KDM3A: variants seen among roughly 807,000 people sequenced by gnomAD.
KDM3A encodes lysine-specific demethylase 3A.
Under a neutral mutation model 158.0 loss-of-function variants are expected in KDM3A, and 60 were observed. The observed-to-expected ratio is 0.38, with a 90% confidence interval of 0.31 to 0.47. KDM3A has a LOEUF of 0.47. KDM3A is among the 20% of genes least tolerant of loss of function. KDM3A has a pLI of 0.99. For missense variants in KDM3A, 1,319 were observed against 1,574.3 expected (o/e 0.84, Z 2.74); for synonymous variants, 608 against 549.3 (o/e 1.11, Z -1.49).
rs1231064821 is a variant in KDM3A at position 86,480,358 on chromosome 2, C to G, written c.2508C>G (p.Asn836Lys). The change falls in exon 16 of 26, where the codon AAC becomes AAG. Residue 836 changes from asparagine to lysine, a missense_variant. By Grantham distance (94) the Asn-to-Lys change is moderately conservative. Transcript: ENST00000312912. ...DLTSGNVNKE[N>K]KEKQPTMPIL... ...CCAGCGGGAATGTCAACAAGGAAAA[C>G]AAGGGTGAGTGTTTCCTGCTTTTGT... is the stretch of plus-strand genomic sequence containing the variant. The G allele has an allele frequency of 2.5e-6, 4 of 1,610,782 alleles. No individual in the cohort carries two copies. Among genetic ancestry groups the G allele is most frequent in the Non-Finnish European group, 3.4e-6 (4 of 1,177,406 alleles).
rs373577229 is a variant in KDM3A, at chr2:86,457,094, G to A, written c.843+23G>A. On this transcript the variant is annotated intron_variant, in intron 8 of 25. Transcript: ENST00000312912. ...GAGGTAACCTTTATTTATGTCACTT[G>A]TGTAAAGCTTTCCTTAACTCCAACA... 5.8e-6 allele frequency: 7 copies of A among 1,212,238 alleles called. No homozygotes were observed. In the African/African-American group the frequency reaches 1.1e-4, roughly 19 times the overall value. 75.1% of individuals were successfully genotyped at this position (1,212,238 alleles called of 1,614,324 possible).
Position 86,456,416 on chromosome 2 carries a change from ATTTTTTTTTTTT to A in KDM3A, c.557-15_557-4del. ...GGGAGATAATGCAAATTGCTCTAAG[ATTTTTTTTTTTT>A]TTTTTTTTTTAAGGTGACAAAAACT... On this transcript the variant is annotated splice_polypyrimidine_tract_variant and intron_variant, in intron 5 of 25. Coordinates refer to ENST00000312912, the MANE Select transcript of KDM3A (RefSeq NM_018433.6). The A allele has an allele frequency of 2.8e-6, 3 of 1,057,628 alleles. No homozygotes were observed. Among genetic ancestry groups the A allele is most frequent in the Non-Finnish European group, 3.7e-6 (3 of 805,362 alleles). The allele number at this position is 1,057,628 out of a possible 1,614,324, so 65.5% of individuals were successfully genotyped here.
At chr2:86,451,516 T>G (rs1452221954) in intron 4 of KDM3A, among the ~76,000 whole-genome samples, 2 of 152,128 alleles carry the variant, frequency 1.3e-5, no homozygotes, top group African/African-American at 2.4e-5. Context: ...CAGAATACAT[T>G]TAGTATTCAT....
intron 4 of KDM3A, among the ~76,000 whole-genome samples, chr2:86,453,942 A>G (rs1672580369): frequency 6.6e-6 from 1 of 152,166 alleles, no homozygotes; most frequent in Admixed American, 6.5e-5. Context: ...CCCTGCTAGA[A>G]TTCGGTTTGG....
intron 11 of KDM3A, among the ~76,000 whole-genome samples, chr2:86,472,044 G>C (rs1471228596): frequency 6.6e-6 from 1 of 152,016 alleles, no homozygotes; most frequent in Admixed American, 6.6e-5. Context: ...TGTTGTTATG[G>C]CTCCTCTGCT....
Position 86,450,855 on chromosome 2 carries a change from C to T in KDM3A, c.343-248C>T, listed in dbSNP as rs150764438. 2.4e-3 allele frequency among the ~76,000 whole-genome samples: 368 copies of T among 152,184 alleles called. 15 individuals are homozygous for T. In the East Asian group the frequency reaches 0.06, roughly 25 times the overall value. Reference sequence around the variant, plus strand: ...ACAGTTTTTGCATAAATTTTTGGGACACCATGAATCTGTGAACCCAGTCTT... The same window carrying T: ...ACAGTTTTTGCATAAATTTTTGGGATACCATGAATCTGTGAACCCAGTCTT... On this transcript the variant is annotated intron_variant, in intron 3 of 25. Transcript: ENST00000312912.
intron 15 of KDM3A, chr2:86,479,023 C>T (rs763556475): frequency 3.2e-5 from 7 of 215,844 alleles, no homozygotes; most frequent in Non-Finnish European, 5.4e-5. Flanking sequence ...AAGTAGCTGT[C>T]GAATTTGTAA....
intron 1 of KDM3A, 61 bp from the exon 2 acceptor site, chr2:86,441,957 T>G: frequency 2.2e-6 from 3 of 1,361,288 alleles, no homozygotes; most frequent in Non-Finnish European, 3.1e-6. Flanking sequence ...CTCCCTGCTG[T>G]CTCCGCCCGG....
At chr2:86,442,348 T>C in intron 2 of KDM3A, 115 bp downstream of exon 2, 1 of 976,924 alleles carries the variant, frequency 1.0e-6, no homozygotes, top group Non-Finnish European at 1.5e-6. Context: ...TGGCATATGA[T>C]CTGAAGGTGC....
At position 86,484,729 on chromosome 2, in the gene KDM3A, A is replaced by AT. The variant is rs1182722235; in HGVS notation, c.3095-206dup. 28 of 485,508 alleles carry AT rather than the reference A, an allele frequency of 5.8e-5. No homozygotes were observed. In the East Asian group the frequency reaches 7.8e-4, roughly 14 times the overall value. 30.1% of individuals were successfully genotyped at this position (485,508 alleles called of 1,614,324 possible). A position where few individuals can be genotyped will look rare whatever the true frequency, so the allele number is the denominator to read the frequency against. Reference sequence around the variant, plus strand: ...CTTGCTGCCTCCTGGGTACAAATGGATTTTTTTACACTGCAGAAATAAAAT... The same window carrying AT: ...CTTGCTGCCTCCTGGGTACAAATGGATTTTTTTTACACTGCAGAAATAAAAT... On this transcript the variant is annotated intron_variant, in intron 19 of 25. Coordinates refer to ENST00000312912, the MANE Select transcript of KDM3A (RefSeq NM_018433.6).
rs535781184 is a variant in KDM3A, at chr2:86,477,875, A to G, written c.1940-2A>G. On this transcript the variant is annotated splice_acceptor_variant, in intron 12 of 25. Transcript: ENST00000312912. LOFTEE classifies it high-confidence loss of function. ...GACTAAGTGATTTACTGATTTTTGC[A>G]GGACAGGTTGCTTGGAAGCGAGCTG... 1 of 1,596,194 alleles carries G rather than the reference A, an allele frequency of 6.3e-7. No individual in the cohort carries two copies. The highest frequency in any genetic ancestry group is 1.1e-5 in the South Asian group (1 of 88,828).
chr2:86,477,886 C>T lies in KDM3A; in HGVS notation c.1949C>T (p.Ala650Val). 1 of 1,605,882 alleles carries T rather than the reference C, an allele frequency of 6.2e-7. No individual in the cohort carries two copies. The highest frequency in any genetic ancestry group is 8.5e-7 in the Non-Finnish European group (1 of 1,175,204). Residue 650 changes from alanine (A) to valine (V), a missense_variant, in exon 13 of 26, where the codon GCT becomes GTT. This residue lies in a region of KDM3A where 113 missense variants were observed against 190.5 expected (regional missense o/e 0.59). Coordinates refer to ENST00000312912, the MANE Select transcript of KDM3A (RefSeq NM_018433.6). ...TTACTGATTTTTGCAGGACAGGTTG[C>T]TTGGAAGCGAGCTGTCAAAGGTGTT... ...MSTIEPHRQV[A>V]WKRAVKGVRE...
chr2:86,487,358 A>G (rs1462533860), intron 21 of KDM3A: 2 of 152,304 alleles, frequency 1.3e-5, no homozygotes, highest in South Asian at 2.1e-4. Flanking sequence ...CAAACACCTT[A>G]TATCTTATTG....
Position 86,442,962 on chromosome 2 carries a change from T to C in KDM3A, c.186+729T>C, listed in dbSNP as rs555979521. Among the ~76,000 whole-genome samples, 4 of 152,268 alleles carry C rather than the reference T, an allele frequency of 2.6e-5. No homozygotes were observed. The South Asian group carries it at 8.3e-4, about 32-fold the overall frequency. ...GGCCAGTGATTTTTTTTTAAATCAT[T>C]ATGACACTCAGAACCTTTTTCTGTT... On this transcript the variant is annotated intron_variant, in intron 2 of 25. Coordinates refer to ENST00000312912, the MANE Select transcript of KDM3A (RefSeq NM_018433.6).
intron 4 of KDM3A, among the ~76,000 whole-genome samples, 197 bp from the exon 5 acceptor site, chr2:86,454,888 T>C (rs1458170355): frequency 6.6e-6 from 1 of 152,234 alleles, no homozygotes; most frequent in Non-Finnish European, 1.5e-5. Context: ...CAGTCTGCCT[T>C]ATAGCTGTGA....
At chr2:86,453,893 A>G (rs1357503041) in intron 4 of KDM3A, among the ~76,000 whole-genome samples, 2 of 152,306 alleles carry the variant, frequency 1.3e-5, no homozygotes, top group Admixed American at 1.3e-4. Flanking sequence ...AAGCCCTGAT[A>G]TTGGAAGGGC....
At chr2:86,440,171 T>C (rs922541204), upstream of KDM3A, among the ~76,000 whole-genome samples, 1 of 106,942 alleles carries the variant, frequency 9.4e-6, no homozygotes, top group African/African-American at 4.2e-5. Flanking sequence ...CTACAGATTA[T>C]AAATCCAATT....
At chr2:86,452,627 T>A (rs1044246843) in intron 4 of KDM3A, among the ~76,000 whole-genome samples, 14 of 152,202 alleles carry the variant, frequency 9.2e-5, no homozygotes, top group African/African-American at 3.1e-4. Flanking sequence ...CTGAATAATC[T>A]TCTTTACCGC....
chr2:86,445,754 T>G (rs1682933470), intron 2 of KDM3A, among the ~76,000 whole-genome samples: 2 of 152,196 alleles, frequency 1.3e-5, no homozygotes, highest in African/African-American at 4.8e-5. Context: ...ATGAAAAAAC[T>G]TCTAGCACGG....
Sources: allele counts gnomAD v4.1 joint callset (sites outside exome capture counted in the v4.1 genomes callset), GRCh38; gene constraint gnomAD v4.1.1; regional missense constraint gnomAD v4.1.1; transcripts MANE v1.5; gene names NCBI Gene and HGNC (gene_info 2026-07-23, HGNC 2026-07-21).